MYLK: variants seen among roughly 807,000 people sequenced by gnomAD.
The protein encoded by MYLK is myosin light chain kinase.
In MYLK, 106 loss-of-function variants were observed where a neutral mutation model predicts 203.4. The ratio of observed to expected loss-of-function variants is 0.52; its 90% CI spans 0.45 to 0.61. The LOEUF (loss-of-function observed/expected upper bound fraction) is 0.61, where lower values mean the gene tolerates loss of function less well. MYLK is among the 20% of genes least tolerant of loss of function. The pLI is 0.00. For missense variants in MYLK, 2,072 were observed against 2,442.3 expected, an observed-to-expected ratio of 0.85 and a Z score of 3.20; for synonymous variants, 867 against 959.5, an observed-to-expected ratio of 0.90 and a Z score of 1.78.
chr3:123,786,404 A>G (rs74954700), intron 4 of MYLK, among the ~76,000 whole-genome samples: 12,020 of 151,150 alleles, frequency 0.08, 1,556 homozygotes, highest in African/African-American at 0.27. Flanking sequence ...GAAAGTTCAG[A>G]ATTAGAGCTG....
At chr3:123,766,258 T>C (rs2108957305) in intron 4 of MYLK, among the ~76,000 whole-genome samples, 1 of 152,326 alleles carries the variant, frequency 6.6e-6, no homozygotes, top group South Asian at 2.1e-4. Flanking sequence ...GAGTTCTCAT[T>C]GTGCTATGAA....
intron 13 of MYLK, among the ~76,000 whole-genome samples, chr3:123,714,420 C>T (rs2061823762): frequency 6.6e-6 from 1 of 152,184 alleles, no homozygotes; most frequent in South Asian, 2.1e-4. Flanking sequence ...TGTCCTTGGC[C>T]TCCTTCTAGC....
At chr3:123,632,550 G>A (rs1033084314) in intron 29 of MYLK, among the ~76,000 whole-genome samples, 1 of 152,122 alleles carries the variant, frequency 6.6e-6, no homozygotes, top group Admixed American at 6.5e-5. Flanking sequence ...CCTCCTTCCT[G>A]GCAGCCTATC....
At chr3:123,877,852 C>T (rs1399979504) in intron 1 of MYLK, among the ~76,000 whole-genome samples, 1 of 152,188 alleles carries the variant, frequency 6.6e-6, no homozygotes, top group African/African-American at 2.4e-5. Context: ...TTTAGGAATA[C>T]ATCTGCTTGA....
At chr3:123,861,554 G>A (rs1473585658) in intron 2 of MYLK, among the ~76,000 whole-genome samples, 3 of 152,260 alleles carry the variant, frequency 2.0e-5, no homozygotes, top group Non-Finnish European at 4.4e-5. Context: ...TCTAGCATTA[G>A]TGTAACAACC....
chr3:123,768,903 C>G (rs986559014), intron 4 of MYLK, among the ~76,000 whole-genome samples: 2 of 152,224 alleles, frequency 1.3e-5, no homozygotes, highest in African/African-American at 2.4e-5. Flanking sequence ...CACTCTCCCC[C>G]TCTCTGCCTG....
intron 2 of MYLK, among the ~76,000 whole-genome samples, chr3:123,836,366 A>G (rs1279091210): frequency 1.3e-5 from 2 of 152,188 alleles, no homozygotes; most frequent in African/African-American, 4.8e-5. Flanking sequence ...TCTTCTAGAG[A>G]TATGTTTTGA....
At chr3:123,775,797 C>G (rs1030169932) in intron 4 of MYLK, among the ~76,000 whole-genome samples, 1 of 152,150 alleles carries the variant, frequency 6.6e-6, no homozygotes, top group Non-Finnish European at 1.5e-5. Context: ...GGTCCTCTAT[C>G]AGTGAAAGTC....
chr3:123,747,188 G>A (rs142572792), intron 5 of MYLK, among the ~76,000 whole-genome samples: 2 of 152,270 alleles, frequency 1.3e-5, no homozygotes, highest in East Asian at 3.9e-4. Context: ...GAGAATCCTG[G>A]TGTCAGTGGC....
Position 123,737,433 on chromosome 3 carries a change from G to A in MYLK, c.699C>T (p.Cys233=). 3 of 1,614,164 alleles carry A rather than the reference G, an allele frequency of 1.9e-6. No individual in the cohort carries two copies. Among genetic ancestry groups the A allele is most frequent in the Non-Finnish European group, 1.7e-6 (2 of 1,180,032 alleles). ...CCTTCCCCGACCCGTTCACCACCAG[G>A]CACGTGTACACTCCCACGTCATCTT... ...VNQDDVGVYT[C]LVVNGSGKAS... Residue 233 remains cysteine (C), a synonymous_variant, in exon 8 of 34, where the codon TGC becomes TGT. Coordinates refer to ENST00000360304, the MANE Select transcript of MYLK (RefSeq NM_053025.4).
At chr3:123,871,685 G>A (rs115995373) in intron 2 of MYLK, among the ~76,000 whole-genome samples, 108 of 151,624 alleles carry the variant, frequency 7.1e-4, no homozygotes, top group Non-Finnish European at 1.3e-3. Context: ...AAATCATGCC[G>A]CAAAACAACT....
intron 27 of MYLK, among the ~76,000 whole-genome samples, chr3:123,643,079 C>T (rs2058890017): frequency 6.6e-6 from 1 of 152,214 alleles, no homozygotes; most frequent in Non-Finnish European, 1.5e-5. Flanking sequence ...AGTCACTCCC[C>T]ATTTCTTCAC....
intron 11 of MYLK, among the ~76,000 whole-genome samples, chr3:123,728,281 C>A (rs1163685243): frequency 6.6e-6 from 1 of 152,138 alleles, no homozygotes; most frequent in Non-Finnish European, 1.5e-5. Flanking sequence ...GGCAGAAGGA[C>A]TGCTTGAGCC....
chr3:123,630,800 G>C (rs1176920533), intron 29 of MYLK: 1 of 152,100 alleles, frequency 6.6e-6, no homozygotes, highest in Admixed American at 6.5e-5. Context: ...AACTTTATAA[G>C]GTAAAGAATT....
intron 3 of MYLK, among the ~76,000 whole-genome samples, chr3:123,804,798 C>T (rs1349244833): frequency 6.6e-6 from 1 of 152,186 alleles, no homozygotes; most frequent in East Asian, 1.9e-4. Context: ...GTCCCATGGC[C>T]TGTTTCCCCT....
Position 123,794,818 on chromosome 3 carries a change from T to C in MYLK, c.-3-974A>G, listed in dbSNP as rs556695040. Among the ~76,000 whole-genome samples the C allele has an allele frequency of 2.5e-4, 38 of 152,362 alleles. 2 individuals are homozygous for C. In the South Asian group the frequency reaches 7.5e-3, roughly 30 times the overall value. ...ACCAATATGTAAAAATAATAAGTTATCATTTATTGAGAATACATTCTGTTC... is the reference window on the plus strand; with the variant it reads ...ACCAATATGTAAAAATAATAAGTTACCATTTATTGAGAATACATTCTGTTC... On this transcript the variant is annotated intron_variant, in intron 3 of 33. Transcript: ENST00000360304.
intron 1 of MYLK, among the ~76,000 whole-genome samples, chr3:123,883,268 A>C (rs2033657734): frequency 6.6e-6 from 1 of 151,954 alleles, no homozygotes; most frequent in South Asian, 2.1e-4. Context: ...GATGGTAAAA[A>C]CCAACGGCCT....
At chr3:123,656,259 C>G (rs895199775) in intron 24 of MYLK, among the ~76,000 whole-genome samples, 2 of 152,316 alleles carry the variant, frequency 1.3e-5, no homozygotes, top group Middle Eastern at 3.4e-3. Context: ...TCCCAGGATG[C>G]CAAGGCTGCT....
intron 18 of MYLK, chr3:123,698,667 T>C: frequency 4.3e-6 from 1 of 232,804 alleles, no homozygotes. Context: ...CATGGAAAAG[T>C]TACTGCGTCA....
Sources: allele counts gnomAD v4.1 joint callset (sites outside exome capture counted in the v4.1 genomes callset), GRCh38; gene constraint gnomAD v4.1.1; transcripts MANE v1.5; gene names NCBI Gene and HGNC (gene_info 2026-07-23, HGNC 2026-07-21).